Variants in ANK3 observed in about 807,000 individuals in gnomAD.
ANK3 encodes the protein ankyrin 3.
ANK3 carries 57 observed loss-of-function variants against 370.9 expected under a neutral mutation model. The observed-to-expected ratio is 0.15, with a 90% CI of 0.12 to 0.19. ANK3 has a LOEUF of 0.19. Ranked by LOEUF, ANK3 falls within the 10% of genes least tolerant of loss-of-function variation. The probability of loss-of-function intolerance (pLI) is 1.00; values close to 1 mark genes in which losing one functional copy is unlikely to be tolerated. For synonymous variants in ANK3, 1,929 were observed against 1,946.3 expected (o/e 0.99, Z 0.23); for missense variants, 4,439 against 5,302.1 (o/e 0.84, Z 5.06).
chr10:60,106,004 G>C lies in ANK3; in HGVS notation c.3229C>G (p.Leu1077Val), dbSNP rs768568696. The C allele has an allele frequency of 1.2e-6, 2 of 1,612,364 alleles. No homozygotes were observed. Among genetic ancestry groups the C allele is most frequent in the East Asian group, 4.5e-5 (2 of 44,668 alleles). The change falls in exon 28 of 44, where the codon CTC (leucine) becomes GTC (valine). Residue 1077 changes from leucine (L) to valine (V), a missense_variant. Transcript: ENST00000280772. Reference sequence around the variant, plus strand: ...CCATTTTCACTTCGAAGAACAATGAGTTCTCTCTCTTTTCCTCTCATGGAC... The same window carrying C: ...CCATTTTCACTTCGAAGAACAATGACTTCTCTCTCTTTTCCTCTCATGGAC... Reference protein sequence around the residue: ...FGSMRGKERELIVLRSENGET... With the variant: ...FGSMRGKEREVIVLRSENGET...
chr10:60,641,123 A>C (rs1039454757), intron 1 of ANK3, among the ~76,000 whole-genome samples: 7 of 150,182 alleles, frequency 4.7e-5, no homozygotes, highest in Non-Finnish European at 7.4e-5. Flanking sequence ...GCTCAAGGAA[A>C]TAAAAGAGGA....
chr10:60,283,395 A>T (rs2098195465), intron 1 of ANK3, among the ~76,000 whole-genome samples: 1 of 152,110 alleles, frequency 6.6e-6, no homozygotes, highest in South Asian at 2.1e-4. Context: ...TATATCTAAG[A>T]TGCATCCAAA....
chr10:60,590,674 T>C (rs1012520112), intron 2 of ANK3, among the ~76,000 whole-genome samples: 41 of 152,358 alleles, frequency 2.7e-4, no homozygotes, highest in African/African-American at 8.9e-4. Flanking sequence ...TTAGTAGACA[T>C]GGACATTGGG....
intron 28 of ANK3, among the ~76,000 whole-genome samples, chr10:60,095,766 T>A (rs1589917569): frequency 1.3e-5 from 2 of 152,348 alleles, no homozygotes; most frequent in Non-Finnish European, 2.9e-5. Context: ...ATCTATTATG[T>A]CCATGTGTTT....
intron 1 of ANK3, among the ~76,000 whole-genome samples, chr10:60,679,541 G>A (rs1339400602): frequency 1.3e-5 from 2 of 152,156 alleles, no homozygotes; most frequent in Admixed American, 1.3e-4. Context: ...TTCTGGGAAT[G>A]CTTGACTGGT....
intron 2 of ANK3, among the ~76,000 whole-genome samples, chr10:60,577,773 T>A (rs1305016163): frequency 1.3e-5 from 2 of 152,250 alleles, no homozygotes. Context: ...ATTTTTAATG[T>A]GATGAAAGCA....
At chr10:60,375,669 A>G (rs759247578) in intron 1 of ANK3, among the ~76,000 whole-genome samples, 12 of 152,116 alleles carry the variant, frequency 7.9e-5, no homozygotes, top group Non-Finnish European at 1.6e-4. Context: ...CCCCACGTTT[A>G]ATGCCTCCAT....
chr10:60,353,439 C>A (rs1432093700), intron 1 of ANK3, among the ~76,000 whole-genome samples: 4 of 152,058 alleles, frequency 2.6e-5, no homozygotes, highest in Non-Finnish European at 1.5e-5. Flanking sequence ...CTTGGTTACC[C>A]CTGCCTAACA....
At chr10:60,036,952 C>T (rs1028540351) in intron 43 of ANK3, among the ~76,000 whole-genome samples, 4 of 152,160 alleles carry the variant, frequency 2.6e-5, no homozygotes, top group Non-Finnish European at 5.9e-5. Context: ...TTGGATGTCT[C>T]ATAGCATTTC....
At chr10:60,684,520 T>C (rs2079242462) in intron 1 of ANK3, 2 of 1,530,998 alleles carry the variant, frequency 1.3e-6, no homozygotes, top group Admixed American at 3.9e-5. Flanking sequence ...GAATGGACTA[T>C]CAGACCAGAC....
chr10:60,279,237 T>C, intron 2 of ANK3, 89 bp from the exon 3 acceptor site: 1 of 1,115,448 alleles, frequency 9.0e-7, no homozygotes, highest in Non-Finnish European at 1.4e-6. Context: ...TATTATAAAG[T>C]CCCACCTGAT....
rs2132076209 is a variant in ANK3 at position 60,103,321 on chromosome 10, G to A, written c.3328+2584C>T. 2.6e-5 allele frequency among the ~76,000 whole-genome samples: 4 copies of A among 152,166 alleles called. No individual in the cohort carries two copies. The South Asian group carries it at 8.3e-4, about 32-fold the overall frequency. On this transcript the variant is annotated intron_variant, in intron 28 of 43. Transcript: ENST00000280772. The stretch of plus-strand genomic sequence containing the variant: ...TTAATTCAGGAACTATTTTTATCTT[G>A]TTAATTAACAGTTATTCAGTAGCAA...
At chr10:60,059,157 A>T (rs1254209925) in intron 41 of ANK3, among the ~76,000 whole-genome samples, 183 bp downstream of exon 41, 1 of 152,224 alleles carries the variant, frequency 6.6e-6, no homozygotes, top group Non-Finnish European at 1.5e-5. Flanking sequence ...AGTTTTGAGA[A>T]TTAAATTTAA....
intron 7 of ANK3, among the ~76,000 whole-genome samples, chr10:60,260,276 A>G (rs1015388143): frequency 2.0e-5 from 3 of 152,192 alleles, no homozygotes; most frequent in African/African-American, 4.8e-5. Context: ...CTTCTGTAAA[A>G]TAAGGATAAA....
chr10:60,151,067 A>T (rs1379506806), intron 23 of ANK3, among the ~76,000 whole-genome samples: 1 of 152,236 alleles, frequency 6.6e-6, no homozygotes, highest in African/African-American at 2.4e-5. Flanking sequence ...AAATTAGGAC[A>T]TAATGGAAAT....
chr10:60,281,297 G>T (rs1410873163), intron 1 of ANK3, among the ~76,000 whole-genome samples: 1 of 152,144 alleles, frequency 6.6e-6, no homozygotes, highest in Non-Finnish European at 1.5e-5. Context: ...TTTGCTGTAG[G>T]GGACTGTCCT....
At chr10:60,148,527 A>G (rs1424445982) in intron 23 of ANK3, among the ~76,000 whole-genome samples, 2 of 152,170 alleles carry the variant, frequency 1.3e-5, no homozygotes, top group East Asian at 3.9e-4. Flanking sequence ...AAGAGGCAGA[A>G]AAAGACAATG....
chr10:60,516,774 C>T (rs1251961887), intron 2 of ANK3, among the ~76,000 whole-genome samples: 1 of 152,040 alleles, frequency 6.6e-6, no homozygotes, highest in Non-Finnish European at 1.5e-5. Context: ...CAAGACCCTA[C>T]TTTGTACATT....
At chr10:60,713,929 G>A (rs979243020) in intron 1 of ANK3, among the ~76,000 whole-genome samples, 17 of 151,368 alleles carry the variant, frequency 1.1e-4, no homozygotes, top group Admixed American at 5.3e-4. Flanking sequence ...ATGGGAAATC[G>A]ATAGAGAATA....
Sources: gnomAD v4.1 joint callset for allele counts (sites outside exome capture counted in the v4.1 genomes callset) on GRCh38, gnomAD v4.1.1 for gene constraint, MANE v1.5 for transcripts, NCBI Gene and HGNC (gene_info 2026-07-23, HGNC 2026-07-21) for gene names.